DYNLT2B: variants seen among roughly 807,000 people sequenced by gnomAD.
DYNLT2B encodes dynein light chain Tctex-type 2B.
Under a neutral mutation model 19.5 loss-of-function variants are expected in DYNLT2B, and 14 were observed. The ratio of observed to expected loss-of-function variants is 0.72; its 90% CI spans 0.47 to 1.12. The LOEUF (loss-of-function observed/expected upper bound fraction) is 1.12, where lower values mean the gene tolerates loss of function less well. Among genes scored for constraint, DYNLT2B ranks in the 50% most tolerant of loss-of-function variants. DYNLT2B has a pLI of 0.00. For missense variants in DYNLT2B, 133 were observed against 174.7 expected, an observed-to-expected ratio of 0.76 and a Z score of 1.35; for synonymous variants, 70 against 59.7, an observed-to-expected ratio of 1.17 and a Z score of -0.79.
In DYNLT2B at chr3:196,301,186, T is replaced by G. The variant is rs188168849; in HGVS notation, c.318-5117A>C. ...AACTGTAACCCAACCTCAATTCAGCTCAGTACCTGAAGCTAAGCGGCCAAT... is the reference window on the plus strand; with the variant it reads ...AACTGTAACCCAACCTCAATTCAGCGCAGTACCTGAAGCTAAGCGGCCAAT... On this transcript the variant is annotated intron_variant, in intron 3 of 4. Transcript: ENST00000325318. Among the ~76,000 whole-genome samples the G allele has an allele frequency of 3.5e-3, 528 of 152,236 alleles. 2 individuals carry two copies. Among genetic ancestry groups the G allele is most frequent in the Non-Finnish European group, 5.9e-3 (401 of 68,022 alleles).
At chr3:196,315,964 T>TA (rs549916562) in intron 2 of DYNLT2B, 134 bp downstream of exon 2, 10 of 939,212 alleles carry the variant, frequency 1.1e-5, no homozygotes, top group Admixed American at 5.6e-5. Context: ...CTTGGCATGC[T>TA]AAAGTGTTGG....
Position 196,297,184 on chromosome 3 carries a change from A to G in DYNLT2B, c.318-1115T>C, listed in dbSNP as rs184831260. Reference sequence around the variant, plus strand: ...GACACAGCAGGACCCTGGCTCTTAAAAAAAAAATTCCAAGAACATGAAAAG... The same window carrying G: ...GACACAGCAGGACCCTGGCTCTTAAGAAAAAAATTCCAAGAACATGAAAAG... On this transcript the variant is annotated intron_variant, in intron 3 of 4. Transcript: ENST00000325318. 4.9e-3 allele frequency among the ~76,000 whole-genome samples: 740 copies of G among 151,846 alleles called. 6 individuals are homozygous for G. Among genetic ancestry groups the G allele is most frequent in the African/African-American group, 0.017 (719 of 41,182 alleles).
chr3:196,318,012 G>A (rs1289103956), intron 1 of DYNLT2B, 28 bp downstream of exon 1: 2 of 1,389,944 alleles, frequency 1.4e-6, no homozygotes, highest in Non-Finnish European at 9.5e-7. Flanking sequence ...GCTCGAGGTC[G>A]CCCCGCCACA....
chr3:196,308,538 G>A (rs1190343558), intron 2 of DYNLT2B, among the ~76,000 whole-genome samples: 1 of 152,184 alleles, frequency 6.6e-6, no homozygotes, highest in Non-Finnish European at 1.5e-5. Flanking sequence ...AAAATGGAAT[G>A]GGCATTTTTG....
At chr3:196,299,090 CT>C (rs1419829806) in intron 3 of DYNLT2B, among the ~76,000 whole-genome samples, 107 of 119,336 alleles carry the variant, frequency 9.0e-4, no homozygotes, top group Non-Finnish European at 8.2e-4. Flanking sequence ...TTTTTTTTTT[CT>C]TTTTTTTTTT....
intron 2 of DYNLT2B, among the ~76,000 whole-genome samples, chr3:196,310,788 T>G (rs558977403): frequency 6.6e-6 from 1 of 151,994 alleles, no homozygotes; most frequent in Non-Finnish European, 1.5e-5. Flanking sequence ...CAGGCTGGAA[T>G]GCAGTGGGGC....
At chr3:196,316,723 C>G (rs1320399243) in intron 1 of DYNLT2B, among the ~76,000 whole-genome samples, 1 of 151,896 alleles carries the variant, frequency 6.6e-6, no homozygotes, top group Non-Finnish European at 1.5e-5. Flanking sequence ...TGTGAGTTAC[C>G]AAGAGAATAA....
At position 196,318,030 on chromosome 3, in the gene DYNLT2B, C is replaced by T. The variant is rs766748912; in HGVS notation, c.113+10G>A. ...CGAGGTCGCCCCGCCACAGCCCGTC[C>T]TCTACCCGCCTCTGCTGGAAAACAG... On this transcript the variant is annotated intron_variant, in intron 1 of 4. Transcript: ENST00000325318. 7.4e-6 allele frequency: 11 copies of T among 1,496,042 alleles called. No individual in the cohort carries two copies. In the South Asian group the frequency reaches 1.3e-4, roughly 18 times the overall value. 92.7% of individuals were successfully genotyped at this position (1,496,042 alleles called of 1,614,324 possible). A position where few individuals can be genotyped will look rare whatever the true frequency, so the allele number is the denominator to read the frequency against.
intron 2 of DYNLT2B, among the ~76,000 whole-genome samples, chr3:196,313,353 G>T (rs1444623706): frequency 6.6e-6 from 1 of 151,822 alleles, no homozygotes; most frequent in African/African-American, 2.4e-5. Flanking sequence ...CACACCACCA[G>T]CCCGGCTAAT....
intron 1 of DYNLT2B, 147 bp downstream of exon 1, chr3:196,317,893 C>T (rs1169948275): frequency 8.6e-6 from 3 of 349,608 alleles, no homozygotes; most frequent in Non-Finnish European, 1.5e-5. Flanking sequence ...ACAGCAGGGC[C>T]GCCCGCCCGC....
chr3:196,315,344 C>A, intron 2 of DYNLT2B: 2 of 352,100 alleles, frequency 5.7e-6, no homozygotes, highest in South Asian at 4.3e-5. Context: ...CTCACTGCAA[C>A]CTCCACCTCC....
intron 2 of DYNLT2B, among the ~76,000 whole-genome samples, chr3:196,308,593 A>C (rs1456189448): frequency 6.6e-6 from 1 of 152,234 alleles, no homozygotes; most frequent in African/African-American, 2.4e-5. Flanking sequence ...AAGAGTTTTA[A>C]AAAAACAAAA....
At chr3:196,309,624 GAAGAAGGAAGGA>G (rs921142782) in intron 2 of DYNLT2B, among the ~76,000 whole-genome samples, 1 of 152,038 alleles carries the variant, frequency 6.6e-6, no homozygotes, top group East Asian at 1.9e-4. Context: ...TGGAAGGAAG[GAAGAAGGAAGGA>G]AAGAAGGAAG....
rs1258206354 is a variant in DYNLT2B, at chr3:196,318,110, C to G, written c.43G>C (p.Val15Leu). Residue 15 changes from valine (V) to leucine (L), a missense_variant, in exon 1 of 5, where the codon GTG (valine) becomes CTG (leucine). Val to Leu is a conservative substitution (Grantham distance 32). Transcript: ENST00000325318. ...CCTGCGTTCTTCTCAGCCTCAGGCA[C>G]CCCGTCGCCCACCGAGAAGGACACT... The part of the protein sequence containing the change: ...IGVSFSVGDG[V>L]PEAEKNAGEP... 6.6e-7 allele frequency: 1 copy of G among 1,508,014 alleles called. No individual in the cohort carries two copies. 93.4% of individuals were successfully genotyped at this position (1,508,014 alleles called of 1,614,324 possible).
intron 2 of DYNLT2B, among the ~76,000 whole-genome samples, chr3:196,309,947 C>CA (rs113938332): frequency 0.28 from 36,374 of 129,460 alleles, 5,658 homozygotes; most frequent in East Asian, 0.81. Flanking sequence ...AAACTCAGTC[C>CA]AAAAAAAAAA....
At chr3:196,304,292 C>T (rs1262168225) in intron 3 of DYNLT2B, among the ~76,000 whole-genome samples, 5 of 152,048 alleles carry the variant, frequency 3.3e-5, no homozygotes, top group Admixed American at 2.0e-4. Flanking sequence ...CCACCATGCC[C>T]GGCTAATTTT....
At chr3:196,296,976 G>A (rs1173938608) in intron 3 of DYNLT2B, among the ~76,000 whole-genome samples, 2 of 148,370 alleles carry the variant, frequency 1.3e-5, no homozygotes, top group African/African-American at 2.5e-5. Context: ...GGCAGATCAC[G>A]AGGTCGGGGG....
chr3:196,306,227 CAG>C (rs1553841243), intron 3 of DYNLT2B, among the ~76,000 whole-genome samples: 3 of 132,104 alleles, frequency 2.3e-5, no homozygotes, highest in Non-Finnish European at 4.7e-5. Flanking sequence ...GACTGGCCAA[CAG>C]AGTGTGACCC....
At chr3:196,312,954 C>T (rs561420565) in intron 2 of DYNLT2B, among the ~76,000 whole-genome samples, 133 of 152,016 alleles carry the variant, frequency 8.7e-4, no homozygotes, top group Non-Finnish European at 1.3e-3. Context: ...GAGGTTGAGG[C>T]TGCAGTGATC....
Sources: allele counts gnomAD v4.1 joint callset (sites outside exome capture counted in the v4.1 genomes callset), GRCh38; gene constraint gnomAD v4.1.1; transcripts MANE v1.5; gene names NCBI Gene and HGNC (gene_info 2026-07-23, HGNC 2026-07-21).